Variants in ARAP1 observed in about 807,000 individuals in gnomAD.
ARAP1 encodes arf-GAP with Rho-GAP domain, ANK repeat and PH domain-containing protein 1.
ARAP1 carries 76 observed loss-of-function variants against 172.2 expected under a neutral mutation model. The observed-to-expected ratio is 0.44, with a 90% CI of 0.37 to 0.53. The LOEUF (loss-of-function observed/expected upper bound fraction) is 0.53. ARAP1 is among the 20% of genes least tolerant of loss of function. The pLI, the probability that ARAP1 is intolerant of heterozygous loss-of-function variation, is 0.00. For missense variants in ARAP1, 1,686 were observed against 1,977.5 expected, an observed-to-expected ratio of 0.85 and a Z score of 2.80; for synonymous variants, 804 against 803.3, an observed-to-expected ratio of 1.00 and a Z score of -0.01.
At chr11:72,716,899 T>C (rs1389586909) in intron 3 of ARAP1, among the ~76,000 whole-genome samples, 1 of 152,160 alleles carries the variant, frequency 6.6e-6, no homozygotes, top group Non-Finnish European at 1.5e-5. Flanking sequence ...GGTGGGCCTG[T>C]GGGAGTCTTG....
In ARAP1 at chr11:72,749,718, C is replaced by T. The variant is rs545043121; in HGVS notation, c.-128+2610G>A. Among the ~76,000 whole-genome samples the T allele has an allele frequency of 5.3e-5, 8 of 152,116 alleles. No individual in the cohort carries two copies. The South Asian group carries it at 1.5e-3, about 28-fold the overall frequency. ...CTAACAAGGTGAAACCCCGTCTCTA[C>T]TAAAAATACAAAAATTAGCCAGGTG... is the stretch of plus-strand genomic sequence containing the variant. On this transcript the variant is annotated intron_variant, in intron 1 of 34. Coordinates refer to ENST00000393609, the MANE Select transcript of ARAP1 (RefSeq NM_001040118.3).
In ARAP1 at chr11:72,714,216, A is replaced by T; in HGVS notation, c.615T>A (p.Pro205=). 6.6e-7 allele frequency: 1 copy of T among 1,516,046 alleles called. No homozygotes were observed. Among genetic ancestry groups the T allele is most frequent in the Non-Finnish European group, 8.8e-7 (1 of 1,136,126 alleles). The allele number at this position is 1,516,046 out of a possible 1,614,324, so 93.9% of individuals were successfully genotyped here. ...LSTLPQGPPQ[P]PSPPPCPPEI... ...CCGGGGGGCAGGGAGGTGGAGAGGGAGGCTGGGGAGGCCCCTGGGGGAGGG... is the reference window on the plus strand; with the variant it reads ...CCGGGGGGCAGGGAGGTGGAGAGGGTGGCTGGGGAGGCCCCTGGGGGAGGG... Residue 205 remains proline (P), a synonymous_variant, in exon 4 of 35, where the codon CCT becomes CCA. Coordinates refer to ENST00000393609, the MANE Select transcript of ARAP1 (RefSeq NM_001040118.3).
In ARAP1 at chr11:72,698,100, C is replaced by A. The variant is rs768890682; in HGVS notation, c.2548G>T (p.Val850Leu). Residue 850 changes from valine (V) to leucine (L), a missense_variant, in exon 19 of 35, where the codon GTG becomes TTG. Physicochemically the swap from Val to Leu is conservative, Grantham distance 32 (BLOSUM62 1). Around this residue, in one of 5 missense-constraint regions of ARAP1, gnomAD observed 688 missense variants for 856.9 expected, o/e 0.80. Transcript: ENST00000393609. ...EWVKCIAKAFVPPLAEDLLAR... is the reference protein window; with the variant it reads ...EWVKCIAKAFLPPLAEDLLAR... ...AGCAGATCCTCGGCTAGGGGAGGCACGAATGCCTGGCAGAGAGGCGCCGGG... is the reference window on the plus strand; with the variant it reads ...AGCAGATCCTCGGCTAGGGGAGGCAAGAATGCCTGGCAGAGAGGCGCCGGG... 9 of 1,594,874 alleles carry A rather than the reference C, an allele frequency of 5.6e-6. No individual in the cohort carries two copies. Among genetic ancestry groups the A allele is most frequent in the Admixed American group, 1.8e-5 (1 of 56,332 alleles).
At chr11:72,720,243 G>A (rs1857453235) in intron 3 of ARAP1, among the ~76,000 whole-genome samples, 1 of 152,144 alleles carries the variant, frequency 6.6e-6, no homozygotes, top group Non-Finnish European at 1.5e-5. Flanking sequence ...TGTCCCAGCT[G>A]CCCGCTTCCT....
rs1048976329 is a variant in ARAP1 at position 72,687,592 on chromosome 11, T to C, written c.4122-90A>G. 8.7e-6 allele frequency: 14 copies of C among 1,611,718 alleles called. No homozygotes were observed. The African/African-American group carries it at 1.7e-4, about 20-fold the overall frequency. On this transcript the variant is annotated intron_variant, in intron 32 of 34. Transcript: ENST00000393609. ...GCCTTCCCAGCCCAGGGTCTGCTAG[T>C]GGTCACAGATCTGGGCAGTGATGAG...
At chr11:72,728,396 T>A (rs980322952) in intron 2 of ARAP1, among the ~76,000 whole-genome samples, 3 of 151,872 alleles carry the variant, frequency 2.0e-5, no homozygotes, top group African/African-American at 7.3e-5. Flanking sequence ...GCCTGGGCAA[T>A]ACAGTGAAAC....
At chr11:72,711,546 C>A (rs1422388424) in intron 7 of ARAP1, 47 bp from the exon 8 acceptor site, 2 of 1,537,768 alleles carry the variant, frequency 1.3e-6, no homozygotes, top group Non-Finnish European at 1.8e-6. Context: ...GGTAGGAGGA[C>A]AGGTTCCAGG....
chr11:72,709,795 G>T (rs1266156610), intron 11 of ARAP1, 75 bp downstream of exon 11: 51 of 1,509,712 alleles, frequency 3.4e-5, no homozygotes, highest in Non-Finnish European at 4.3e-5. Flanking sequence ...GGAAGGGGCA[G>T]CTTCCCACGT....
intron 2 of ARAP1, among the ~76,000 whole-genome samples, chr11:72,729,990 G>A (rs1277552960): frequency 1.3e-5 from 2 of 150,540 alleles, no homozygotes; most frequent in Non-Finnish European, 3.0e-5. Context: ...AGTCCAGAAG[G>A]CACACAGAAA....
chr11:72,736,984 C>A (rs1858048363), intron 1 of ARAP1, among the ~76,000 whole-genome samples: 1 of 152,222 alleles, frequency 6.6e-6, no homozygotes, highest in Admixed American at 6.5e-5. Flanking sequence ...TGTCTGCTGA[C>A]AATGAGTGAG....
At position 72,685,347 on chromosome 11, in the gene ARAP1, G is replaced by A. The variant is rs538581033; in HGVS notation, c.*317C>T. 20 of 429,798 alleles carry A rather than the reference G, an allele frequency of 4.7e-5. No individual in the cohort carries two copies. Among genetic ancestry groups the A allele is most frequent in the African/African-American group, 3.8e-4 (19 of 49,358 alleles). The allele number at this position is 429,798 out of a possible 1,614,324, so 26.6% of individuals were successfully genotyped here. On this transcript the variant is annotated 3_prime_UTR_variant, in exon 35 of 35. Coordinates refer to ENST00000393609, the MANE Select transcript of ARAP1 (RefSeq NM_001040118.3). ...AGGGCCTCACGCCTCTGAAAGGGTG[G>A]TGGTCCTCCCAAGTTCCTGACTTAT...
At chr11:72,706,704 C>G (rs1399900100) in intron 12 of ARAP1, among the ~76,000 whole-genome samples, 2 of 152,294 alleles carry the variant, frequency 1.3e-5, no homozygotes, top group East Asian at 3.9e-4. Context: ...AGTCTTGCCC[C>G]TCTAACTCAG....
At chr11:72,696,223 C>T (rs1474203754) in intron 23 of ARAP1, among the ~76,000 whole-genome samples, 1 of 152,172 alleles carries the variant, frequency 6.6e-6, no homozygotes, top group Non-Finnish European at 1.5e-5. Flanking sequence ...ACCTCCCATG[C>T]ACGGTTCACA....
intron 14 of ARAP1, 120 bp downstream of exon 14, chr11:72,704,032 C>A (rs1268578824): frequency 8.2e-6 from 11 of 1,339,498 alleles, no homozygotes; most frequent in Non-Finnish European, 1.1e-5. Context: ...ACATCAGTTT[C>A]CCCATATGCC....
intron 30 of ARAP1, 165 bp from the exon 31 acceptor site, chr11:72,688,702 A>G (rs776758399): frequency 1.7e-6 from 1 of 601,086 alleles, no homozygotes; most frequent in South Asian, 2.0e-5. Flanking sequence ...CCTGTTCACA[A>G]TCTAGCCCAA....
At chr11:72,747,443 G>A (rs1157321285) in intron 1 of ARAP1, among the ~76,000 whole-genome samples, 1 of 152,166 alleles carries the variant, frequency 6.6e-6, no homozygotes, top group Non-Finnish European at 1.5e-5. Context: ...ATCCCAACAG[G>A]ATCAGGTTCC....
At chr11:72,688,835 C>T (rs2135486553) in intron 30 of ARAP1, 4 of 357,754 alleles carry the variant, frequency 1.1e-5, no homozygotes, top group South Asian at 9.8e-5. Context: ...CCAGCACCAC[C>T]CTGATGCCCT....
chr11:72,730,494 C>G (rs1288495048), intron 2 of ARAP1, among the ~76,000 whole-genome samples: 2 of 152,130 alleles, frequency 1.3e-5, no homozygotes, highest in African/African-American at 4.8e-5. Flanking sequence ...GTCAGGAATT[C>G]GAGACCAGTC....
chr11:72,693,602 G>A lies in ARAP1; in HGVS notation c.3808+90C>T. 6.5e-7 allele frequency: 1 copy of A among 1,533,528 alleles called. No individual in the cohort carries two copies. Among genetic ancestry groups the A allele is most frequent in the Middle Eastern group, 2.0e-4 (1 of 5,022 alleles). 95.0% of individuals were successfully genotyped at this position (1,533,528 alleles called of 1,614,324 possible). A position where few individuals can be genotyped will look rare whatever the true frequency, so the allele number is the denominator to read the frequency against. On this transcript the variant is annotated intron_variant, in intron 28 of 34. Transcript: ENST00000393609. This position sits in a 1 kb window ranked among gnomAD's most constrained non-coding sequence, Gnocchi z 4.6. ...CCCACCCACTTGGCGCCCTCTGTCT[G>A]AGCTGTTCCTACCTGGCACCACCAG...
Sources: allele counts gnomAD v4.1 joint callset (sites outside exome capture counted in the v4.1 genomes callset), GRCh38; gene constraint gnomAD v4.1.1; regional missense constraint gnomAD v4.1.1; non-coding constraint Gnocchi (gnomAD v3.1); transcripts MANE v1.5; gene names NCBI Gene and HGNC (gene_info 2026-07-23, HGNC 2026-07-21).